The following CHD9 variants were observed in gnomAD, a reference collection of about 807,000 sequenced individuals.
CHD9 encodes chromodomain helicase DNA binding protein 9.
In CHD9, 77 loss-of-function variants were observed where a neutral mutation model predicts 316.1. The observed-to-expected ratio is 0.24, with a 90% confidence interval of 0.20 to 0.29. The LOEUF (loss-of-function observed/expected upper bound fraction) is 0.29, where lower values mean the gene tolerates loss of function less well. Among genes scored for constraint, CHD9 ranks in the 10% least tolerant of loss-of-function variants. CHD9 has a pLI of 1.00. For missense variants in CHD9, 2,763 were observed against 3,438.1 expected (o/e 0.80, Z 4.91); for synonymous variants, 1,129 against 1,158.3 (o/e 0.97, Z 0.51).
intron 22 of CHD9, 99 bp from the exon 23 acceptor site, chr16:53,273,527 C>G: frequency 1.2e-6 from 1 of 822,064 alleles, no homozygotes; most frequent in Non-Finnish European, 1.9e-6. Flanking sequence ...TCTGAACAGA[C>G]CTCAGAAAGT....
intron 2 of CHD9, among the ~76,000 whole-genome samples, chr16:53,188,275 G>T: frequency 6.6e-6 from 1 of 152,164 alleles, no homozygotes. Context: ...TGGCCATTAT[G>T]AATGATGCTG....
intron 1 of CHD9, among the ~76,000 whole-genome samples, chr16:53,136,482 G>A (rs938481633): frequency 1.3e-5 from 2 of 149,866 alleles, no homozygotes; most frequent in Admixed American, 6.7e-5. Context: ...TCTTTGCAAT[G>A]TTTATCTTTA....
intron 1 of CHD9, among the ~76,000 whole-genome samples, chr16:53,134,122 C>G (rs2039540739): frequency 6.6e-6 from 1 of 152,046 alleles, no homozygotes; most frequent in African/African-American, 2.4e-5. Context: ...AATTAATCTA[C>G]TGGGGAAATT....
intron 1 of CHD9, among the ~76,000 whole-genome samples, chr16:53,146,497 G>C (rs1481650401): frequency 6.9e-6 from 1 of 145,078 alleles, no homozygotes. Flanking sequence ...CTACCGAACT[G>C]TATACTTAAA....
chr16:53,201,185 A>T (rs1280307261), intron 2 of CHD9, among the ~76,000 whole-genome samples: 2 of 152,194 alleles, frequency 1.3e-5, no homozygotes, highest in Non-Finnish European at 2.9e-5. Flanking sequence ...AGCATATTTA[A>T]TGTTTTCAGC....
chr16:53,309,873 A>G (rs1020769143), intron 34 of CHD9, among the ~76,000 whole-genome samples: 2 of 152,230 alleles, frequency 1.3e-5, no homozygotes, highest in African/African-American at 2.4e-5. Flanking sequence ...ATGGTACTCA[A>G]GATTAACTGA....
chr16:53,070,534 TC>T (rs1683170227), intron 1 of CHD9, among the ~76,000 whole-genome samples: 4 of 20,908 alleles, frequency 1.9e-4, no homozygotes, highest in African/African-American at 6.5e-4. Context: ...CCTTCCTTCC[TC>T]TCTCTCTCTC....
intron 1 of CHD9, among the ~76,000 whole-genome samples, chr16:53,146,419 G>GTGTGTGTATATATATA (rs1555492145): frequency 1.3e-5 from 1 of 76,714 alleles, no homozygotes; most frequent in African/African-American, 5.9e-5. Context: ...GTGTGTGTAT[G>GTGTGTGTATATATATA]TATATATATA....
intron 20 of CHD9, 64 bp downstream of exon 20, chr16:53,263,161 TA>T: frequency 1.7e-6 from 2 of 1,208,052 alleles, no homozygotes; most frequent in Middle Eastern, 3.9e-4. Flanking sequence ...AGTATTGTAA[TA>T]TTTTAAGGTG....
At chr16:53,234,642 G>T (rs768229691) in intron 10 of CHD9, among the ~76,000 whole-genome samples, 3 of 151,678 alleles carry the variant, frequency 2.0e-5, no homozygotes, top group Non-Finnish European at 4.4e-5. Context: ...GTGTCTCCCT[G>T]TGTTGCCCAG....
At chr16:53,099,662 G>A (rs2036673709) in intron 1 of CHD9, among the ~76,000 whole-genome samples, 1 of 152,164 alleles carries the variant, frequency 6.6e-6, no homozygotes, top group African/African-American at 2.4e-5. Flanking sequence ...CCTCCGGGCG[G>A]GAGATTCGGC....
rs1318568651 is a variant in CHD9, at chr16:53,235,117, A to G, written c.2512-68A>G. On this transcript the variant is annotated intron_variant, in intron 10 of 38. Transcript: ENST00000447540. ...GCCTCTTAGGGTTATTTTTAAACCA[A>G]TGCTTTTTGCCTTCAGTATGATATA... The G allele has an allele frequency of 1.4e-5, 19 of 1,342,930 alleles. No homozygotes were observed. In the African/African-American group the frequency reaches 1.6e-4, roughly 12 times the overall value. 83.2% of individuals were successfully genotyped at this position (1,342,930 alleles called of 1,614,324 possible).
chr16:53,074,682 A>G (rs1268859636), intron 1 of CHD9, among the ~76,000 whole-genome samples: 2 of 152,342 alleles, frequency 1.3e-5, no homozygotes, highest in South Asian at 2.1e-4. Flanking sequence ...GGCAGCTTCC[A>G]TGTGGTGTTG....
At chr16:53,259,766 T>C (rs1250030397) in intron 19 of CHD9, among the ~76,000 whole-genome samples, 2 of 152,158 alleles carry the variant, frequency 1.3e-5, no homozygotes, top group Non-Finnish European at 2.9e-5. Flanking sequence ...CGTCCCACCT[T>C]ACCCTCCCAA....
intron 3 of CHD9, among the ~76,000 whole-genome samples, chr16:53,219,310 GA>G (rs367783030): frequency 1.3e-5 from 2 of 152,102 alleles, no homozygotes; most frequent in African/African-American, 2.4e-5. Flanking sequence ...GAAGCGTGGG[GA>G]AAAAATCTGA....
intron 1 of CHD9, among the ~76,000 whole-genome samples, chr16:53,063,230 G>C (rs1316483310): frequency 1.3e-5 from 2 of 151,940 alleles, no homozygotes; most frequent in African/African-American, 4.8e-5. Context: ...GAGCAAACAG[G>C]CATAGAGAAG....
At chr16:53,154,345 A>G (rs74778228) in intron 1 of CHD9, among the ~76,000 whole-genome samples, 5,088 of 152,286 alleles carry the variant, frequency 0.033, 300 homozygotes, top group African/African-American at 0.12. Context: ...TTGCTTTTGT[A>G]TGGAAAACAA....
At chr16:53,085,852 A>T (rs2035420321) in intron 1 of CHD9, among the ~76,000 whole-genome samples, 1 of 152,098 alleles carries the variant, frequency 6.6e-6, no homozygotes, top group Non-Finnish European at 1.5e-5. Flanking sequence ...CAGGTTATTG[A>T]GGTGTGTTCT....
chr16:53,314,512 A>C lies in CHD9; in HGVS notation c.7358A>C (p.Asn2453Thr). The C allele has an allele frequency of 6.4e-7, 1 of 1,569,708 alleles. No individual in the cohort carries two copies. The highest frequency in any genetic ancestry group is 1.4e-5 in the African/African-American group (1 of 73,818). ...TTTTTTAACAGAAATAAACCACCTA[A>C]TCATGTAAGTAAAGCAGTACTTAAA... The part of the protein sequence containing the change: ...IFFFNRNKPP[N>T]HVSLGLTSSQ... Residue 2453 changes from asparagine (N) to threonine (T), a missense_variant, in exon 35 of 39, where the codon AAT (asparagine) becomes ACT (threonine). Physicochemically the swap from Asn to Thr is moderately conservative, Grantham distance 65. This residue lies in a region of CHD9 where 663 missense variants were observed against 751.2 expected (regional missense o/e 0.88). Coordinates refer to ENST00000447540, the MANE Select transcript of CHD9 (RefSeq NM_001308319.2).
Sources: allele counts gnomAD v4.1 joint callset (sites outside exome capture counted in the v4.1 genomes callset), GRCh38; gene constraint gnomAD v4.1.1; regional missense constraint gnomAD v4.1.1; transcripts MANE v1.5; gene names NCBI Gene and HGNC (gene_info 2026-07-23, HGNC 2026-07-21).